The following NETO2 variants were observed in gnomAD, a reference collection of about 807,000 sequenced individuals.
NETO2 encodes neuropilin and tolloid like 2, also known as neuropilin and tolloid-like protein 2.
NETO2 carries 28 observed loss-of-function variants against 62.5 expected under a neutral mutation model. The observed-to-expected ratio is 0.45, with a 90% CI of 0.33 to 0.61. The LOEUF is 0.61. Ranked by LOEUF, NETO2 falls within the 20% of genes least tolerant of loss-of-function variation. The pLI is 0.02. For synonymous variants in NETO2, 214 were observed against 219.1 expected (o/e 0.98, Z 0.21); for missense variants, 548 against 643.2 (o/e 0.85, Z 1.60).
chr16:47,127,723 T>C (rs917494979), intron 4 of NETO2, among the ~76,000 whole-genome samples: 1 of 152,162 alleles, frequency 6.6e-6, no homozygotes, highest in Non-Finnish European at 1.5e-5. Context: ...GTGGCCAAAT[T>C]TGAGGTAATT....
rs185406218 is a variant in NETO2 at position 47,128,504 on chromosome 16, C to T, written c.302G>A (p.Arg101Gln). 1.1e-5 allele frequency: 18 copies of T among 1,613,954 alleles called. No individual in the cohort carries two copies. Among genetic ancestry groups the T allele is most frequent in the Admixed American group, 6.7e-5 (4 of 60,010 alleles). The change falls in exon 4 of 9, where the codon CGG becomes CAG. Residue 101 changes from arginine to glutamine, a missense_variant. Physicochemically the swap from Arg to Gln is conservative, Grantham distance 43. Coordinates refer to ENST00000562435, the MANE Select transcript of NETO2 (RefSeq NM_018092.5). Reference sequence around the variant, plus strand: ...ATCTCGAACTTCCAAGTGATCAAACCGACACTCAAATGATGGTTCTATATA... The same window carrying T: ...ATCTCGAACTTCCAAGTGATCAAACTGACACTCAAATGATGGTTCTATATA... ...HYYIEPSFEC[R>Q]FDHLEVRDGP...
chr16:47,129,246 C>T lies in NETO2; in HGVS notation c.210G>A (p.Lys70=). 1 of 1,613,980 alleles carries T rather than the reference C, an allele frequency of 6.2e-7. No individual in the cohort carries two copies. The highest frequency in any genetic ancestry group is 8.5e-7 in the Non-Finnish European group (1 of 1,179,918). ...PNYPDSYPPN[K]ECIYILEAAP... ...TACCTTCCAAAATGTAGATACACTC[C>T]TTGTTTGGTGGATATGAGTCAGGAT... Residue 70 remains lysine (K), a synonymous_variant, in exon 3 of 9, where the codon AAG becomes AAA. Transcript: ENST00000562435.
At chr16:47,139,773 C>T (rs933179911) in intron 1 of NETO2, among the ~76,000 whole-genome samples, 2 of 152,248 alleles carry the variant, frequency 1.3e-5, no homozygotes, top group African/African-American at 4.8e-5. Context: ...AAGAGTAACT[C>T]TATAGCAGAA....
At chr16:47,128,162 A>C (rs1964193504) in intron 4 of NETO2, among the ~76,000 whole-genome samples, 163 bp downstream of exon 4, 1 of 152,198 alleles carries the variant, frequency 6.6e-6, no homozygotes, top group African/African-American at 2.4e-5. Flanking sequence ...ATTTCTATTA[A>C]CTTCTTATTT....
chr16:47,081,174 T>G lies in NETO2; in HGVS notation c.*2047A>C, dbSNP rs531353141. On this transcript the variant is annotated 3_prime_UTR_variant, in exon 9 of 9. Transcript: ENST00000562435. ...AGATTAAATATAGGTTTAACAGCTA[T>G]TTTAAAAAATGAATAATTTTACATA... 1 of 152,310 alleles carries G rather than the reference T, an allele frequency of 6.6e-6. No homozygotes were observed. Among genetic ancestry groups the G allele is most frequent in the East Asian group, 1.9e-4 (1 of 5,196 alleles). 9.4% of individuals were successfully genotyped at this position (152,310 alleles called of 1,614,324 possible). A position where few individuals can be genotyped will look rare whatever the true frequency, so the allele number is the denominator to read the frequency against.
intron 8 of NETO2, among the ~76,000 whole-genome samples, chr16:47,085,300 A>G (rs757022898): frequency 3.3e-5 from 5 of 151,880 alleles, no homozygotes; most frequent in African/African-American, 1.2e-4. Flanking sequence ...TATTTTGACA[A>G]TTAAATAAGG....
In NETO2 at chr16:47,129,213, C is replaced by G; in HGVS notation, c.232+11G>C. The G allele has an allele frequency of 6.2e-7, 1 of 1,609,864 alleles. No homozygotes were observed. The highest frequency in any genetic ancestry group is 2.2e-5 in the East Asian group (1 of 44,800). On this transcript the variant is annotated intron_variant, in intron 3 of 8. Transcript: ENST00000562435. ...TAAAAATTCATCCAATAAAAGAAAT[C>G]GTTCAAATACCTTCCAAAATGTAGA...
intron 1 of NETO2, among the ~76,000 whole-genome samples, chr16:47,137,476 T>G (rs1489183391): frequency 1.3e-5 from 2 of 152,128 alleles, no homozygotes; most frequent in Non-Finnish European, 2.9e-5. Context: ...TTTGGACCAA[T>G]ATGGATTGGG....
intron 6 of NETO2, 94 bp downstream of exon 6, chr16:47,122,563 T>C (rs1964062586): frequency 7.2e-7 from 1 of 1,391,670 alleles, no homozygotes; most frequent in Non-Finnish European, 9.8e-7. Flanking sequence ...GTTTATGTAG[T>C]CAATAAATAT....
chr16:47,136,515 C>T (rs553188436), intron 1 of NETO2, among the ~76,000 whole-genome samples: 14 of 152,312 alleles, frequency 9.2e-5, no homozygotes, highest in African/African-American at 2.6e-4. Flanking sequence ...AAGCAATTCT[C>T]GTACCTCAGT....
chr16:47,122,073 A>G (rs1413213165), intron 6 of NETO2, among the ~76,000 whole-genome samples: 1 of 152,186 alleles, frequency 6.6e-6, no homozygotes, highest in Non-Finnish European at 1.5e-5. Context: ...CGCATTAAAT[A>G]TAATTTTAAC....
chr16:47,100,243 AT>A (rs1378409849), intron 7 of NETO2, among the ~76,000 whole-genome samples: 3 of 152,242 alleles, frequency 2.0e-5, no homozygotes, highest in Admixed American at 2.0e-4. Flanking sequence ...GCAGAAATAA[AT>A]AAGTTCTTTG....
chr16:47,140,314 G>T (rs1422625418), intron 1 of NETO2, among the ~76,000 whole-genome samples: 2 of 152,108 alleles, frequency 1.3e-5, no homozygotes, highest in Non-Finnish European at 2.9e-5. Flanking sequence ...TCAGGGAGAC[G>T]TATTTCTAAG....
chr16:47,078,382 A>G lies in NETO2; in HGVS notation c.*4839T>C, dbSNP rs1205310968. ...CTATAAAATGCCAAATCTAGGATTA[A>G]GCATATTCTCATATGGCCTGGAAGT... On this transcript the variant is annotated 3_prime_UTR_variant, in exon 9 of 9. Transcript: ENST00000562435. 1 of 152,240 alleles carries G rather than the reference A, an allele frequency of 6.6e-6. No homozygotes were observed. Among genetic ancestry groups the G allele is most frequent in the Non-Finnish European group, 1.5e-5 (1 of 68,042 alleles). 9.4% of individuals were successfully genotyped at this position (152,240 alleles called of 1,614,324 possible). A position where few individuals can be genotyped will look rare whatever the true frequency, so the allele number is the denominator to read the frequency against.
chr16:47,121,099 A>AT (rs1207547429), intron 6 of NETO2, among the ~76,000 whole-genome samples: 1 of 152,124 alleles, frequency 6.6e-6, no homozygotes, highest in African/African-American at 2.4e-5. Flanking sequence ...ACATCTTTTA[A>AT]TAGCCATACT....
At chr16:47,100,566 A>C (rs902316388) in intron 7 of NETO2, among the ~76,000 whole-genome samples, 4 of 152,204 alleles carry the variant, frequency 2.6e-5, no homozygotes, top group African/African-American at 9.6e-5. Context: ...TCAGACTAAT[A>C]AAGAAGAAAA....
At chr16:47,140,397 G>A (rs910618451) in intron 1 of NETO2, among the ~76,000 whole-genome samples, 1 of 152,202 alleles carries the variant, frequency 6.6e-6, no homozygotes, top group African/African-American at 2.4e-5. Context: ...GGTACCCCAA[G>A]AGAAGGAGGT....
chr16:47,109,090 G>GT (rs2143897572), intron 7 of NETO2, among the ~76,000 whole-genome samples: 1 of 152,200 alleles, frequency 6.6e-6, no homozygotes, highest in Non-Finnish European at 1.5e-5. Context: ...TGTTAACATG[G>GT]TTTTTTCACC....
chr16:47,116,142 G>GTT (rs150157077), intron 6 of NETO2, among the ~76,000 whole-genome samples: 2,213 of 131,454 alleles, frequency 0.017, 63 homozygotes, highest in African/African-American at 0.057. Flanking sequence ...AGGGTTTTCT[G>GTT]TTTTTTTTTT....
Sources: allele counts gnomAD v4.1 joint callset (sites outside exome capture counted in the v4.1 genomes callset), GRCh38; gene constraint gnomAD v4.1.1; transcripts MANE v1.5; gene names NCBI Gene and HGNC (gene_info 2026-07-23, HGNC 2026-07-21).